GNA11: variants seen among roughly 807,000 people sequenced by gnomAD.
The protein encoded by GNA11 is G protein subunit alpha 11, also known as guanine nucleotide-binding protein subunit alpha-11.
Under a neutral mutation model 38.2 loss-of-function variants are expected in GNA11, and 8 were observed. The observed-to-expected ratio is 0.21, with a 90% CI of 0.12 to 0.38. The LOEUF (loss-of-function observed/expected upper bound fraction) is 0.38, where lower values mean the gene tolerates loss of function less well. GNA11 is among the 10% of genes least tolerant of loss of function. The pLI, the probability that GNA11 is intolerant of heterozygous loss-of-function variation, is 1.00. For missense variants in GNA11, 268 were observed against 516.3 expected, an observed-to-expected ratio of 0.52 and a Z score of 4.66; for synonymous variants, 211 against 221.4, an observed-to-expected ratio of 0.95 and a Z score of 0.42.
Position 3,119,364 on chromosome 19 carries a change from G to GC in GNA11, c.889+7dup, listed in dbSNP as rs1555702699. The GC allele has an allele frequency of 6.2e-6, 10 of 1,608,328 alleles. No homozygotes were observed. The highest frequency in any genetic ancestry group is 1.7e-4 in the Middle Eastern group (1 of 6,050). Reference sequence around the variant, plus strand: ...ACTACTTCCCCGAGTTCGATGGTGCGCCGGGCTGCGGCATGGGGAGGGGCT... The same window carrying GC: ...ACTACTTCCCCGAGTTCGATGGTGCGCCCGGGCTGCGGCATGGGGAGGGGCT... On this transcript the variant is annotated splice_donor_region_variant and intron_variant, in intron 6 of 6. Coordinates refer to ENST00000078429, the MANE Select transcript of GNA11 (RefSeq NM_002067.5). This position sits in a 1 kb window ranked among gnomAD's most constrained non-coding sequence, Gnocchi z 4.6.
At chr19:3,116,138 C>T (rs1568284073) in intron 4 of GNA11, among the ~76,000 whole-genome samples, 4 of 152,178 alleles carry the variant, frequency 2.6e-5, no homozygotes, top group South Asian at 2.1e-4. Flanking sequence ...CCAGCAGAGC[C>T]GGGTTCTCCC....
chr19:3,100,191 G>A (rs78624453), intron 1 of GNA11, among the ~76,000 whole-genome samples: 3,336 of 152,294 alleles, frequency 0.022, 115 homozygotes, highest in African/African-American at 0.065. Flanking sequence ...CTCCGTGGGT[G>A]TTTTACACTG....
chr19:3,119,457 T>G lies in GNA11; in HGVS notation c.889+98T>G. The G allele has an allele frequency of 9.1e-7, 1 of 1,103,418 alleles. No homozygotes were observed. The highest frequency in any genetic ancestry group is 1.3e-6 in the Non-Finnish European group (1 of 769,752). The allele number at this position is 1,103,418 out of a possible 1,614,324, so 68.4% of individuals were successfully genotyped here. ...AGGGGCTCATACAGGCCGGGAGCTCTAAGGGAGGGCGTCTGATGGGAGGTG... is the reference window on the plus strand; with the variant it reads ...AGGGGCTCATACAGGCCGGGAGCTCGAAGGGAGGGCGTCTGATGGGAGGTG... On this transcript the variant is annotated intron_variant, in intron 6 of 6. Coordinates refer to ENST00000078429, the MANE Select transcript of GNA11 (RefSeq NM_002067.5). This position sits in a 1 kb window ranked among gnomAD's most constrained non-coding sequence, Gnocchi z 4.6.
At chr19:3,096,562 G>A (rs1002064523) in intron 1 of GNA11, among the ~76,000 whole-genome samples, 12 of 152,326 alleles carry the variant, frequency 7.9e-5, no homozygotes, top group African/African-American at 2.4e-4. Flanking sequence ...CGGGGTTCAA[G>A]GACGAAGGTC....
Position 3,110,406 on chromosome 19 carries a change from C to A in GNA11, c.321+73C>A. ...CTTGGTGGTGAGCATGGTGGCCGCG[C>A]TGCCAGGGTGGGGCCATGCCGGGGG... On this transcript the variant is annotated intron_variant, in intron 2 of 6. Coordinates refer to ENST00000078429, the MANE Select transcript of GNA11 (RefSeq NM_002067.5). The surrounding 1 kb of genome is among the most constrained non-coding windows in gnomAD (Gnocchi z 5.4). 2 of 1,281,716 alleles carry A rather than the reference C, an allele frequency of 1.6e-6. No individual in the cohort carries two copies. The highest frequency in any genetic ancestry group is 2.2e-6 in the Non-Finnish European group (2 of 900,730). 79.4% of individuals were successfully genotyped at this position (1,281,716 alleles called of 1,614,324 possible).
At chr19:3,103,706 A>G (rs74990039) in intron 1 of GNA11, among the ~76,000 whole-genome samples, 2 of 142,920 alleles carry the variant, frequency 1.4e-5, no homozygotes, top group Non-Finnish European at 3.1e-5. Flanking sequence ...TTTTTTTTGT[A>G]AATTTTTTTT....
At chr19:3,103,041 G>A (rs944570581) in intron 1 of GNA11, among the ~76,000 whole-genome samples, 1 of 152,218 alleles carries the variant, frequency 6.6e-6, no homozygotes, top group South Asian at 2.1e-4. Flanking sequence ...CTGGCTTCTC[G>A]GCCCACATCT....
intron 4 of GNA11, chr19:3,118,362 G>C (rs1279336427): frequency 4.6e-5 from 7 of 152,906 alleles, no homozygotes; most frequent in African/African-American, 1.7e-4. Context: ...TGCGTGGCCT[G>C]AGAGTGTGAG....
intron 4 of GNA11, 173 bp downstream of exon 4, chr19:3,115,245 A>T (rs943853056): frequency 3.1e-6 from 2 of 637,938 alleles, no homozygotes; most frequent in Admixed American, 3.3e-5. Context: ...ATCTAAAAAA[A>T]ATTTTAAAAA....
Position 3,110,026 on chromosome 19 carries a change from A to T in GNA11, c.137-123A>T, listed in dbSNP as rs1249354102. 9 of 692,320 alleles carry T rather than the reference A, an allele frequency of 1.3e-5. No individual in the cohort carries two copies. In the African/African-American group the frequency reaches 1.6e-4, roughly 12 times the overall value. 42.9% of individuals were successfully genotyped at this position (692,320 alleles called of 1,614,324 possible). A position where few individuals can be genotyped will look rare whatever the true frequency, so the allele number is the denominator to read the frequency against. On this transcript the variant is annotated intron_variant, in intron 1 of 6. Coordinates refer to ENST00000078429, the MANE Select transcript of GNA11 (RefSeq NM_002067.5). The surrounding 1 kb of genome is among the most constrained non-coding windows in gnomAD (Gnocchi z 5.4). ...CGTGGCGTCTGGTGGAGAGACGGTCAGCCTCACGTGCCTTGGTTTCCTGTG... is the reference window on the plus strand; with the variant it reads ...CGTGGCGTCTGGTGGAGAGACGGTCTGCCTCACGTGCCTTGGTTTCCTGTG...
At chr19:3,112,809 C>T (rs545014292) in intron 2 of GNA11, among the ~76,000 whole-genome samples, 5 of 152,350 alleles carry the variant, frequency 3.3e-5, no homozygotes, top group Non-Finnish European at 7.3e-5. Context: ...AGAGAGAAGC[C>T]GGCGGGGCAG....
chr19:3,097,274 T>C (rs1224862185), intron 1 of GNA11, among the ~76,000 whole-genome samples: 1 of 152,090 alleles, frequency 6.6e-6, no homozygotes, highest in Non-Finnish European at 1.5e-5. Flanking sequence ...GTCCTGGCAC[T>C]CCGCAGGAGG....
At chr19:3,109,032 A>G (rs1007056405) in intron 1 of GNA11, among the ~76,000 whole-genome samples, 1 of 152,208 alleles carries the variant, frequency 6.6e-6, no homozygotes, top group Admixed American at 6.5e-5. Flanking sequence ...GGCCTTGGAG[A>G]TGGCACACTG....
rs779989113 is a variant in GNA11 at position 3,094,660 on chromosome 19, G to T, written c.9G>T (p.Leu3=). ...CGGCCGGGGCCGGGACGATGACTCT[G>T]GAGTCCATGATGGCGTGTTGCCTGA... MT[L]ESMMACCLSD... The change falls in exon 1 of 7, where the codon CTG becomes CTT. Residue 3 remains leucine (L), a synonymous_variant. Coordinates refer to ENST00000078429, the MANE Select transcript of GNA11 (RefSeq NM_002067.5). The surrounding 1 kb of genome is among the most constrained non-coding windows in gnomAD (Gnocchi z 6.0). 41 of 1,525,406 alleles carry T rather than the reference G, an allele frequency of 2.7e-5. No homozygotes were observed. The South Asian group carries it at 4.7e-4, about 18-fold the overall frequency. 94.5% of individuals were successfully genotyped at this position (1,525,406 alleles called of 1,614,324 possible).
intron 4 of GNA11, chr19:3,118,650 T>C (rs975447411): frequency 9.9e-6 from 4 of 406,006 alleles, no homozygotes; most frequent in Non-Finnish European, 1.8e-5. Context: ...CAGAATCCTC[T>C]GGGTTCTCAC....
chr19:3,102,825 A>C (rs2145308457), intron 1 of GNA11, among the ~76,000 whole-genome samples: 1 of 152,318 alleles, frequency 6.6e-6, no homozygotes, highest in African/African-American at 2.4e-5. Flanking sequence ...CCACCAGTAC[A>C]GCTCTTGGTC....
intron 1 of GNA11, among the ~76,000 whole-genome samples, chr19:3,100,980 A>T (rs1913488870): frequency 6.6e-6 from 1 of 152,110 alleles, no homozygotes; most frequent in South Asian, 2.1e-4. Context: ...TGGCGTCCAC[A>T]TGGGGACCCC....
At chr19:3,096,649 C>T (rs558678644) in intron 1 of GNA11, among the ~76,000 whole-genome samples, 4 of 152,274 alleles carry the variant, frequency 2.6e-5, no homozygotes, top group African/African-American at 7.2e-5. Context: ...ATCCTCTGTC[C>T]AGTGCCCGCC....
Position 3,123,714 on chromosome 19 carries a change from G to C in GNA11, c.*2535G>C, listed in dbSNP as rs1356411324. On this transcript the variant is annotated 3_prime_UTR_variant, in exon 7 of 7. Transcript: ENST00000078429. ...AGATCCTGTGGCCGGCCTGGCGGAC[G>C]GGACCCAGTGATACTTGTATATTAC... The C allele has an allele frequency of 4.3e-6, 1 of 232,908 alleles. No individual in the cohort carries two copies. The highest frequency in any genetic ancestry group is 2.2e-5 in the African/African-American group (1 of 45,320). The allele number at this position is 232,908 out of a possible 1,614,324, so 14.4% of individuals were successfully genotyped here.
Sources: allele counts gnomAD v4.1 joint callset (sites outside exome capture counted in the v4.1 genomes callset), GRCh38; gene constraint gnomAD v4.1.1; non-coding constraint Gnocchi (gnomAD v3.1); transcripts MANE v1.5; gene names NCBI Gene and HGNC (gene_info 2026-07-23, HGNC 2026-07-21).